The following PHKB variants were observed in gnomAD, a reference collection of about 807,000 sequenced individuals.
PHKB encodes the protein phosphorylase kinase regulatory subunit beta, also known as phosphorylase b kinase regulatory subunit beta.
PHKB carries 122 observed loss-of-function variants against 152.1 expected under a neutral mutation model. The observed-to-expected ratio is 0.80, with a 90% CI of 0.69 to 0.93. The LOEUF (loss-of-function observed/expected upper bound fraction) is 0.93. Ranked by LOEUF, PHKB falls within the 40% of genes least tolerant of loss-of-function variation. The pLI, the probability that PHKB is intolerant of heterozygous loss-of-function variation, is 0.00. For synonymous variants in PHKB, 436 were observed against 464.9 expected, an observed-to-expected ratio of 0.94 and a Z score of 0.80; for missense variants, 1,304 against 1,328.4, an observed-to-expected ratio of 0.98 and a Z score of 0.29.
intron 26 of PHKB, among the ~76,000 whole-genome samples, chr16:47,684,567 C>T (rs1004680651): frequency 2.6e-5 from 4 of 151,864 alleles, no homozygotes; most frequent in Admixed American, 1.3e-4. Flanking sequence ...GAAATCAAGC[C>T]CATCCTGGCT....
intron 1 of PHKB, among the ~76,000 whole-genome samples, chr16:47,483,316 G>A (rs1194536747): frequency 6.6e-6 from 1 of 152,018 alleles, no homozygotes; most frequent in African/African-American, 2.4e-5. Flanking sequence ...CCAAAGTACT[G>A]GTATTATGGG....
chr16:47,623,140 C>G (rs73551238), intron 14 of PHKB, among the ~76,000 whole-genome samples: 15,711 of 152,000 alleles, frequency 0.1, 1,639 homozygotes, highest in African/African-American at 0.27. Context: ...AATAATGATC[C>G]CTAACTCAGG....
chr16:47,583,861 C>T (rs1176772468), intron 8 of PHKB, among the ~76,000 whole-genome samples: 1 of 152,036 alleles, frequency 6.6e-6, no homozygotes, highest in Admixed American at 6.6e-5. Flanking sequence ...AATTATTGAG[C>T]TTCTGAAAGA....
chr16:47,497,236 C>T (rs952894008), intron 1 of PHKB, among the ~76,000 whole-genome samples, 163 bp from the exon 2 acceptor site: 1 of 152,204 alleles, frequency 6.6e-6, no homozygotes, highest in African/African-American at 2.4e-5. Context: ...TTTATTCCCC[C>T]TCTTGTTCCC....
At chr16:47,517,788 G>T (rs1345408520) in intron 6 of PHKB, among the ~76,000 whole-genome samples, 1 of 151,562 alleles carries the variant, frequency 6.6e-6, no homozygotes, top group Non-Finnish European at 1.5e-5. Flanking sequence ...GGTTTTTCTT[G>T]GCCTTATGGT....
At chr16:47,593,441 AAATAAT>A (rs548121217) in intron 10 of PHKB, 53 bp from the exon 11 acceptor site, 1 of 932,460 alleles carries the variant, frequency 1.1e-6, no homozygotes, top group Non-Finnish European at 1.7e-6. Flanking sequence ...TCTTGTCTCA[AAATAAT>A]AATAATAATT....
At chr16:47,635,965 A>G (rs1422457855) in intron 14 of PHKB, among the ~76,000 whole-genome samples, 1 of 152,218 alleles carries the variant, frequency 6.6e-6, no homozygotes, top group Non-Finnish European at 1.5e-5. Context: ...TGCAAAGAAA[A>G]CAACATTCAA....
chr16:47,595,496 C>A (rs1192175761), intron 12 of PHKB, among the ~76,000 whole-genome samples: 1 of 152,110 alleles, frequency 6.6e-6, no homozygotes, highest in Non-Finnish European at 1.5e-5. Flanking sequence ...TCCTACCAAC[C>A]CATTTTTAAA....
At chr16:47,477,849 A>G (rs183579540) in intron 1 of PHKB, among the ~76,000 whole-genome samples, 1 of 152,370 alleles carries the variant, frequency 6.6e-6, no homozygotes. Context: ...AGTCACCAGT[A>G]GCATGTTTAT....
At position 47,689,079 on chromosome 16, in the gene PHKB, G is replaced by T. The variant is rs139277922; in HGVS notation, c.2669G>T (p.Arg890Leu). 6.2e-7 allele frequency: 1 copy of T among 1,613,870 alleles called. No homozygotes were observed. The highest frequency in any genetic ancestry group is 8.5e-7 in the Non-Finnish European group (1 of 1,179,920). Residue 890 changes from arginine (R) to leucine (L), a missense_variant, in exon 27 of 31, where the codon CGT becomes CTT. Physicochemically the swap from Arg to Leu is moderately radical, Grantham distance 102. Transcript: ENST00000323584. The stretch of plus-strand genomic sequence containing the variant: ...GCCATGGAGTATGAACTTCAGATCC[G>T]TGGCGGAGACAAGCCAGCCTTGGAC... ...IHAMEYELQI[R>L]GGDKPALDLY...
chr16:47,473,614 C>G (rs1211896874), intron 1 of PHKB, among the ~76,000 whole-genome samples: 1 of 151,946 alleles, frequency 6.6e-6, no homozygotes, highest in African/African-American at 2.4e-5. Flanking sequence ...TTATAGCTTT[C>G]TTCTCTTTCA....
At chr16:47,484,164 A>G (rs1733881330) in intron 1 of PHKB, among the ~76,000 whole-genome samples, 1 of 152,216 alleles carries the variant, frequency 6.6e-6, no homozygotes, top group Admixed American at 6.5e-5. Context: ...AACCAGGTTT[A>G]ATATCCTGAA....
chr16:47,632,081 C>T (rs1411912867), intron 14 of PHKB, among the ~76,000 whole-genome samples: 1 of 152,138 alleles, frequency 6.6e-6, no homozygotes. Flanking sequence ...CTGTGTCACC[C>T]TCCTAGAAAA....
At chr16:47,515,055 G>A (rs1467238680) in intron 5 of PHKB, among the ~76,000 whole-genome samples, 2 of 152,126 alleles carry the variant, frequency 1.3e-5, no homozygotes, top group African/African-American at 2.4e-5. Flanking sequence ...TCATCATAGT[G>A]TCTTGCTTAC....
intron 16 of PHKB, among the ~76,000 whole-genome samples, chr16:47,643,844 T>A (rs1973067971): frequency 6.6e-6 from 1 of 152,290 alleles, no homozygotes; most frequent in Non-Finnish European, 1.5e-5. Flanking sequence ...ATATTCATGA[T>A]GTGATGACTG....
intron 23 of PHKB, 113 bp from the exon 24 acceptor site, chr16:47,663,564 C>A: frequency 2.5e-6 from 2 of 794,362 alleles, no homozygotes; most frequent in South Asian, 1.5e-5. Context: ...ATTAATGGAT[C>A]GATGTATCAA....
intron 22 of PHKB, 146 bp downstream of exon 22, chr16:47,660,965 T>A: frequency 2.5e-6 from 2 of 797,340 alleles, no homozygotes; most frequent in Non-Finnish European, 4.4e-6. Context: ...AGGGCAATCA[T>A]GAGAAGTTGT....
rs1974190734 is a variant in PHKB at position 47,698,503 on chromosome 16, A to G, written c.3059A>G (p.Asp1020Gly). Residue 1020 changes from aspartate (D) to glycine (G), a missense_variant, in exon 30 of 31, where the codon GAC becomes GGC. Physicochemically the swap from Asp to Gly is moderately conservative, Grantham distance 94. Coordinates refer to ENST00000323584, the MANE Select transcript of PHKB (RefSeq NM_000293.3). ...LERNPELEFQ[D>G]KVDLDRLVKE... is the part of the protein sequence containing the mutation. ...AGAAACCCCGAGCTAGAATTTCAAG[A>G]CAAAGTAGATCTAGACAGACTGGTC... 3.7e-6 allele frequency: 6 copies of G among 1,611,026 alleles called. No homozygotes were observed. The highest frequency in any genetic ancestry group is 5.1e-6 in the Non-Finnish European group (6 of 1,177,440).
At chr16:47,672,462 A>G (rs1973654091) in intron 26 of PHKB, among the ~76,000 whole-genome samples, 1 of 152,192 alleles carries the variant, frequency 6.6e-6, no homozygotes, top group African/African-American at 2.4e-5. Context: ...TCACAGACTC[A>G]GGCATTGATC....
Sources: allele counts gnomAD v4.1 joint callset (sites outside exome capture counted in the v4.1 genomes callset), GRCh38; gene constraint gnomAD v4.1.1; transcripts MANE v1.5; gene names NCBI Gene and HGNC (gene_info 2026-07-23, HGNC 2026-07-21).